Variants in VAV2 observed in about 807,000 individuals in gnomAD.
VAV2 encodes the protein vav guanine nucleotide exchange factor 2.
VAV2 carries 67 observed loss-of-function variants against 132.5 expected under a neutral mutation model. The ratio of observed to expected loss-of-function variants is 0.51; its 90% CI spans 0.42 to 0.62. The LOEUF is 0.62. Among genes scored for constraint, VAV2 ranks in the 20% least tolerant of loss-of-function variants. The pLI is 0.00. For missense variants in VAV2, 938 were observed against 1,153.6 expected, an observed-to-expected ratio of 0.81 and a Z score of 2.71; for synonymous variants, 492 against 443.5, an observed-to-expected ratio of 1.11 and a Z score of -1.37.
intron 29 of VAV2, among the ~76,000 whole-genome samples, chr9:133,764,691 GAAAGTGACT>G (rs766912870): frequency 3.3e-5 from 5 of 152,136 alleles, no homozygotes; most frequent in Non-Finnish European, 7.3e-5. Context: ...CAGGTCACCA[GAAAGTGACT>G]AGATAGAAAA....
At chr9:133,945,558 C>T (rs1841329311) in intron 1 of VAV2, among the ~76,000 whole-genome samples, 1 of 152,238 alleles carries the variant, frequency 6.6e-6, no homozygotes, top group African/African-American at 2.4e-5. Flanking sequence ...AGGATGCCCC[C>T]AGCCTCTGGC....
chr9:133,947,081 T>A (rs1841384990), intron 1 of VAV2, among the ~76,000 whole-genome samples: 1 of 152,174 alleles, frequency 6.6e-6, no homozygotes, highest in Admixed American at 6.5e-5. Flanking sequence ...CAAAGGGCCC[T>A]GCTTTCTCCT....
At chr9:133,902,372 G>A (rs2789821) in intron 2 of VAV2, among the ~76,000 whole-genome samples, 139,934 of 152,284 alleles carry the variant, frequency 0.92, 65,078 homozygotes, top group East Asian at 1. Context: ...ATGCAGACAC[G>A]GCTGCGGCCT....
At chr9:133,827,233 T>TGAGGCTGACCACTGA (rs1319061529) in intron 4 of VAV2, among the ~76,000 whole-genome samples, 1 of 77,502 alleles carries the variant, frequency 1.3e-5, no homozygotes, top group Non-Finnish European at 2.7e-5. Flanking sequence ...CTGTGCCCAC[T>TGAGGCTGACCACTGA]GGGGCTGACC....
rs1362484871 is a variant in VAV2 at position 133,935,704 on chromosome 9, G to A, written c.321+3399C>T. On this transcript the variant is annotated intron_variant, in intron 2 of 29. Transcript: ENST00000371850. This position sits in a 1 kb window ranked among gnomAD's most constrained non-coding sequence, Gnocchi z 5.2. ...GCTCCCCAGCCTCCGCTGGCCCCAGGCCAGACTCCATTTGGAAGTGCTGAC... is the reference window on the plus strand; with the variant it reads ...GCTCCCCAGCCTCCGCTGGCCCCAGACCAGACTCCATTTGGAAGTGCTGAC... Among the ~76,000 whole-genome samples, 3 of 152,222 alleles carry A rather than the reference G, an allele frequency of 2.0e-5. No homozygotes were observed. The East Asian group carries it at 5.8e-4, about 29-fold the overall frequency.
At chr9:133,990,879 T>C (rs904306547) in intron 1 of VAV2, among the ~76,000 whole-genome samples, 2 of 151,850 alleles carry the variant, frequency 1.3e-5, no homozygotes, top group African/African-American at 4.8e-5. Flanking sequence ...CAGTGCTGGG[T>C]AATCATTACC....
chr9:133,951,100 C>T (rs559633479), intron 1 of VAV2, among the ~76,000 whole-genome samples: 1 of 152,302 alleles, frequency 6.6e-6, no homozygotes, highest in South Asian at 2.1e-4. Flanking sequence ...AAAATGCAAC[C>T]GCAGCACTAG....
chr9:133,843,724 G>T (rs924180912), intron 3 of VAV2, among the ~76,000 whole-genome samples: 6 of 152,254 alleles, frequency 3.9e-5, no homozygotes, highest in Non-Finnish European at 8.8e-5. Flanking sequence ...CCCGGGCAGG[G>T]GGTAGATGAA....
chr9:133,806,332 C>T (rs1312377428), intron 8 of VAV2, 151 bp from the exon 9 acceptor site: 2 of 673,362 alleles, frequency 3.0e-6, no homozygotes, highest in Non-Finnish European at 5.0e-6. Flanking sequence ...CTGTGCATGC[C>T]AGGGTGTGAT....
intron 1 of VAV2, among the ~76,000 whole-genome samples, chr9:133,947,925 G>T (rs1364913771): frequency 3.3e-5 from 5 of 151,918 alleles, no homozygotes; most frequent in Non-Finnish European, 1.5e-5. Flanking sequence ...GAGCAGCTGG[G>T]ACTACAGGCC....
At chr9:133,782,029 T>G (rs1190242960) in intron 19 of VAV2, among the ~76,000 whole-genome samples, 1 of 151,980 alleles carries the variant, frequency 6.6e-6, no homozygotes, top group African/African-American at 2.4e-5. Flanking sequence ...GAGGAGTAGT[T>G]TTTCTCTCCT....
chr9:133,897,878 C>G (rs1035040043), intron 2 of VAV2, among the ~76,000 whole-genome samples: 1 of 152,112 alleles, frequency 6.6e-6, no homozygotes, highest in Admixed American at 6.5e-5. Flanking sequence ...GTCTCCCTGC[C>G]AGGGAGACAG....
At chr9:133,800,888 T>C (rs1834902533) in intron 9 of VAV2, among the ~76,000 whole-genome samples, 1 of 152,182 alleles carries the variant, frequency 6.6e-6, no homozygotes, top group Non-Finnish European at 1.5e-5. Flanking sequence ...CTCTTCCCTA[T>C]CATTGCCCCT....
At chr9:133,955,853 G>T (rs138885451) in intron 1 of VAV2, among the ~76,000 whole-genome samples, 1 of 126,404 alleles carries the variant, frequency 7.9e-6, no homozygotes, top group Admixed American at 8.2e-5. Flanking sequence ...CCCCCAGCCC[G>T]AGGGGAGCCC....
chr9:133,815,864 T>A (rs559190100), intron 4 of VAV2, among the ~76,000 whole-genome samples: 2 of 152,346 alleles, frequency 1.3e-5, no homozygotes, highest in East Asian at 3.9e-4. Flanking sequence ...CCACTAGGAC[T>A]GGAACTCCTG....
At chr9:133,820,014 C>T (rs1038940807) in intron 4 of VAV2, among the ~76,000 whole-genome samples, 4 of 152,210 alleles carry the variant, frequency 2.6e-5, no homozygotes, top group African/African-American at 4.8e-5. Flanking sequence ...ACCAGTATTT[C>T]TCCTATGACC....
Position 133,801,344 on chromosome 9 carries a change from G to C in VAV2, c.837-3535C>G, listed in dbSNP as rs190418534. On this transcript the variant is annotated intron_variant, in intron 9 of 29. Transcript: ENST00000371850. ...CAGAAACACCACTGTCACCACAGGGGCCCTGAGGCTCAGAGACGTGACGTG... is the reference window on the plus strand; with the variant it reads ...CAGAAACACCACTGTCACCACAGGGCCCCTGAGGCTCAGAGACGTGACGTG... Among the ~76,000 whole-genome samples, 1,179 of 152,334 alleles carry C rather than the reference G, an allele frequency of 7.7e-3. 26 individuals are homozygous for C. The highest frequency in any genetic ancestry group is 0.043 in the Admixed American group (664 of 15,308).
intron 2 of VAV2, among the ~76,000 whole-genome samples, chr9:133,887,004 C>A (rs866682710): frequency 6.0e-4 from 92 of 152,222 alleles, no homozygotes; most frequent in Middle Eastern, 3.4e-3. Context: ...GGTGCCAAGC[C>A]CCCCCTCCCC....
chr9:133,764,627 G>C (rs1255926971), intron 29 of VAV2, among the ~76,000 whole-genome samples: 1 of 152,172 alleles, frequency 6.6e-6, no homozygotes, highest in Non-Finnish European at 1.5e-5. Flanking sequence ...TGAATGAAAT[G>C]AAGAATCCAA....
Sources: allele counts gnomAD v4.1 joint callset (sites outside exome capture counted in the v4.1 genomes callset), GRCh38; gene constraint gnomAD v4.1.1; non-coding constraint Gnocchi (gnomAD v3.1); transcripts MANE v1.5; gene names NCBI Gene and HGNC (gene_info 2026-07-23, HGNC 2026-07-21).